The following OTUD7A variants were observed in gnomAD, a reference collection of about 807,000 sequenced individuals.
OTUD7A encodes OTU deubiquitinase 7A, also known as OTU domain-containing protein 7A.
A neutral mutation model predicts 65.7 loss-of-function variants in OTUD7A; 12 were observed. That is an observed-to-expected ratio of 0.18 (90% CI 0.12 to 0.30). The LOEUF (loss-of-function observed/expected upper bound fraction) is 0.30, where lower values mean the gene tolerates loss of function less well. OTUD7A is among the 10% of genes least tolerant of loss of function. OTUD7A has a pLI of 1.00. For synonymous variants in OTUD7A, 641 were observed against 586.3 expected, an observed-to-expected ratio of 1.09 and a Z score of -1.35; for missense variants, 1,148 against 1,304.8, an observed-to-expected ratio of 0.88 and a Z score of 1.85.
At chr15:31,519,879 A>G (rs1019693548) in intron 8 of OTUD7A, among the ~76,000 whole-genome samples, 3 of 152,230 alleles carry the variant, frequency 2.0e-5, no homozygotes, top group African/African-American at 7.2e-5. Context: ...GGACTAAATC[A>G]AGAAGGCAAT....
At chr15:31,811,218 T>C (rs539573824) in intron 1 of OTUD7A, among the ~76,000 whole-genome samples, 1 of 152,214 alleles carries the variant, frequency 6.6e-6, no homozygotes, top group South Asian at 2.1e-4. Flanking sequence ...TGGCTGCATC[T>C]AGTAGAGCAG....
At chr15:31,685,532 G>A (rs977088295) in intron 1 of OTUD7A, among the ~76,000 whole-genome samples, 7 of 152,068 alleles carry the variant, frequency 4.6e-5, no homozygotes, top group South Asian at 2.1e-4. Flanking sequence ...GGTGGCGGGC[G>A]CCTGTAGTCC....
intron 1 of OTUD7A, among the ~76,000 whole-genome samples, chr15:31,854,283 T>C (rs1260843082): frequency 6.6e-6 from 1 of 152,214 alleles, no homozygotes; most frequent in Non-Finnish European, 1.5e-5. Context: ...TCCCTTGTGA[T>C]GACCTGGGGC....
intron 4 of OTUD7A, among the ~76,000 whole-genome samples, 169 bp from the exon 5 acceptor site, chr15:31,559,356 G>A (rs1888607878): frequency 6.6e-6 from 1 of 152,042 alleles, no homozygotes; most frequent in South Asian, 2.1e-4. Context: ...ATACATATGT[G>A]CACACATATG....
chr15:31,613,514 A>G (rs772510136), intron 3 of OTUD7A, among the ~76,000 whole-genome samples: 3 of 152,256 alleles, frequency 2.0e-5, no homozygotes, highest in Non-Finnish European at 4.4e-5. Flanking sequence ...TCTCAAAAGA[A>G]GATATACAAA....
At chr15:31,730,506 C>T (rs550737922) in intron 1 of OTUD7A, among the ~76,000 whole-genome samples, 14 of 152,162 alleles carry the variant, frequency 9.2e-5, no homozygotes, top group Non-Finnish European at 1.8e-4. Context: ...AAATGTCAAC[C>T]TTCTGGCCAG....
chr15:31,624,819 A>C (rs1278927124), intron 3 of OTUD7A, among the ~76,000 whole-genome samples: 2 of 152,168 alleles, frequency 1.3e-5, no homozygotes, highest in East Asian at 3.8e-4. Context: ...CATGGGCTCC[A>C]TGCTGCTCCT....
intron 1 of OTUD7A, among the ~76,000 whole-genome samples, chr15:31,819,802 T>A (rs566104257): frequency 1.1e-4 from 17 of 152,066 alleles, no homozygotes; most frequent in Non-Finnish European, 2.4e-4. Context: ...TATTATGTCA[T>A]ATATAATGTA....
In OTUD7A at chr15:31,598,618, T is replaced by C. The variant is rs1889980187; in HGVS notation, c.152-28421A>G. Among the ~76,000 whole-genome samples the C allele has an allele frequency of 3.3e-5, 5 of 152,246 alleles. No individual in the cohort carries two copies. In the South Asian group the frequency reaches 1.0e-3, roughly 32 times the overall value. ...AAACTAGTTGCAGGAGGTTTTTTTT[T>C]CCATACCCCAGTGGTGCCTGGAACA... On this transcript the variant is annotated intron_variant, in intron 3 of 12. Transcript: ENST00000307050.
chr15:31,483,097 T>C lies in OTUD7A; in HGVS notation c.*197A>G. ...CACCCACTTCCAACAGTATGACTTG[T>C]TTCCTATCCGTCTACTACCTGAGTG... On this transcript the variant is annotated 3_prime_UTR_variant, in exon 13 of 13. Coordinates refer to ENST00000307050, the MANE Select transcript of OTUD7A (RefSeq NM_001382637.1). The C allele has an allele frequency of 2.7e-6, 1 of 366,160 alleles. No individual in the cohort carries two copies. The highest frequency in any genetic ancestry group is 3.9e-6 in the Non-Finnish European group (1 of 258,312). The allele number at this position is 366,160 out of a possible 1,614,324, so 22.7% of individuals were successfully genotyped here.
At chr15:31,694,030 G>A (rs976408825) in intron 1 of OTUD7A, among the ~76,000 whole-genome samples, 3 of 152,176 alleles carry the variant, frequency 2.0e-5, no homozygotes, top group Non-Finnish European at 2.9e-5. Context: ...CAAGATGAAG[G>A]CAGGACTACA....
chr15:31,811,015 A>C (rs1050902322), intron 1 of OTUD7A, among the ~76,000 whole-genome samples: 4 of 152,118 alleles, frequency 2.6e-5, no homozygotes, highest in African/African-American at 7.2e-5. Context: ...CCTTGCATTG[A>C]AAGTCTCAAA....
chr15:31,854,083 A>T (rs2141008118), intron 1 of OTUD7A, among the ~76,000 whole-genome samples: 1 of 152,348 alleles, frequency 6.6e-6, no homozygotes, highest in East Asian at 1.9e-4. Flanking sequence ...TATAGTTTTG[A>T]AAGTCGGAAA....
intron 8 of OTUD7A, among the ~76,000 whole-genome samples, chr15:31,505,934 A>G (rs2041555971): frequency 6.6e-6 from 1 of 151,898 alleles, no homozygotes; most frequent in Non-Finnish European, 1.5e-5. Flanking sequence ...TATTTTTAGT[A>G]GAGACGTGTT....
In OTUD7A at chr15:31,810,444, T is replaced by C. The variant is rs374717706; in HGVS notation, c.-100+60063A>G. ...CCTAAACCAATAGGGTTTGTGTCCA[T>C]ATAAGAAGAAAAAGAGACACCAGAG... On this transcript the variant is annotated intron_variant, in intron 1 of 12. Transcript: ENST00000307050. 3.9e-5 allele frequency among the ~76,000 whole-genome samples: 6 copies of C among 152,252 alleles called. No individual in the cohort carries two copies. In the East Asian group the frequency reaches 5.8e-4, roughly 15 times the overall value.
Position 31,487,349 on chromosome 15 carries a change from C to T in OTUD7A, c.1287-71G>A. ...TATAGCACCCAGTCCACTTGCATGC[C>T]AGCTGTCCCAGGAGGAGCAGGGGTG... On this transcript the variant is annotated intron_variant, in intron 11 of 12. Transcript: ENST00000307050. This position sits in a 1 kb window ranked among gnomAD's most constrained non-coding sequence, Gnocchi z 6.0. The T allele has an allele frequency of 1.9e-6, 3 of 1,586,176 alleles. No individual in the cohort carries two copies. Among genetic ancestry groups the T allele is most frequent in the South Asian group, 2.2e-5 (2 of 89,566 alleles).
chr15:31,557,208 G>C (rs142991639), intron 5 of OTUD7A: 1 of 152,254 alleles, frequency 6.6e-6, no homozygotes, highest in Non-Finnish European at 1.5e-5. Context: ...TTGTCTAAAC[G>C]CATCTTGTGC....
Position 31,483,408 on chromosome 15 carries a change from G to A in OTUD7A, c.2688C>T (p.Arg896=), listed in dbSNP as rs1245795265. ...AGAACGCACAGTTCTCGCGCTGGCA[G>A]CGCCGCTGCACCGGCCCCGGGCCGC... ...GRGGPGPVQR[R]CQRENCAFYG... Residue 896 remains arginine, a synonymous_variant, in exon 13 of 13, where the codon CGC becomes CGT. Transcript: ENST00000307050. 2 of 1,352,402 alleles carry A rather than the reference G, an allele frequency of 1.5e-6. No homozygotes were observed. The highest frequency in any genetic ancestry group is 1.9e-6 in the Non-Finnish European group (2 of 1,051,222). The allele number at this position is 1,352,402 out of a possible 1,614,324, so 83.8% of individuals were successfully genotyped here.
chr15:31,813,075 C>T (rs186270509), intron 1 of OTUD7A, among the ~76,000 whole-genome samples: 6 of 152,302 alleles, frequency 3.9e-5, no homozygotes, highest in African/African-American at 1.2e-4. Flanking sequence ...ACACCTGATG[C>T]GGCAGCTGTC....
Sources: allele counts gnomAD v4.1 joint callset (sites outside exome capture counted in the v4.1 genomes callset), GRCh38; gene constraint gnomAD v4.1.1; non-coding constraint Gnocchi (gnomAD v3.1); transcripts MANE v1.5; gene names NCBI Gene and HGNC (gene_info 2026-07-23, HGNC 2026-07-21).